The following ZFHX3 variants were observed in gnomAD, a reference collection of about 807,000 sequenced individuals.
ZFHX3 encodes the protein zinc finger homeobox 3.
In ZFHX3, 42 loss-of-function variants were observed where a neutral mutation model predicts 279.1. The ratio of observed to expected loss-of-function variants is 0.15; its 90% CI spans 0.12 to 0.19. The LOEUF is 0.19. Ranked by LOEUF, ZFHX3 falls within the 10% of genes least tolerant of loss-of-function variation. The pLI is 1.00. For synonymous variants in ZFHX3, 2,293 were observed against 1,957.8 expected (o/e 1.17, Z -4.52); for missense variants, 4,981 against 4,754.0 (o/e 1.05, Z -1.40).
At chr16:73,240,844 G>A (rs1567427508) in intron 5 of ZFHX3, among the ~76,000 whole-genome samples, 1 of 152,172 alleles carries the variant, frequency 6.6e-6, no homozygotes, top group Non-Finnish European at 1.5e-5. Flanking sequence ...GTAGAGTTTT[G>A]CTTATTTCCA....
chr16:72,907,841 G>T (rs916695727), intron 3 of ZFHX3, among the ~76,000 whole-genome samples: 1 of 151,776 alleles, frequency 6.6e-6, no homozygotes, highest in Admixed American at 6.6e-5. Context: ...GTGCTACCAT[G>T]CCCAGCTAAT....
intron 2 of ZFHX3, among the ~76,000 whole-genome samples, chr16:73,458,609 C>T (rs772567263): frequency 2.0e-4 from 31 of 152,188 alleles, no homozygotes; most frequent in Non-Finnish European, 4.0e-4. Flanking sequence ...CCACTCACCT[C>T]GGCTTACACC....
At chr16:73,878,132 T>A (rs1046427394) in intron 1 of ZFHX3, among the ~76,000 whole-genome samples, 25 of 152,154 alleles carry the variant, frequency 1.6e-4, no homozygotes, top group African/African-American at 5.8e-4. Context: ...ATAAAATACA[T>A]ATTGGCACCT....
chr16:73,061,283 G>C (rs529089152), upstream of ZFHX3: 3 of 151,946 alleles, frequency 2.0e-5, no homozygotes, highest in Non-Finnish European at 4.4e-5. Context: ...TCTTTTGTGA[G>C]GTTAATGCCA....
At chr16:73,187,598 C>T (rs944723046) in intron 5 of ZFHX3, among the ~76,000 whole-genome samples, 1 of 152,184 alleles carries the variant, frequency 6.6e-6, no homozygotes, top group African/African-American at 2.4e-5. Context: ...AAACTTCAGG[C>T]TTTTCAAAGT....
chr16:73,339,899 C>T (rs577239597), intron 3 of ZFHX3, among the ~76,000 whole-genome samples: 92 of 152,240 alleles, frequency 6.0e-4, no homozygotes, highest in Non-Finnish European at 1.2e-4. Context: ...ACGATAATGG[C>T]ATTTATATGA....
At chr16:73,460,358 C>G (rs117924027) in intron 2 of ZFHX3, among the ~76,000 whole-genome samples, 2 of 152,104 alleles carry the variant, frequency 1.3e-5, no homozygotes, top group African/African-American at 4.8e-5. Context: ...GTTTGCTTAA[C>G]CATCTACCTA....
At chr16:73,218,074 C>T (rs568025596) in intron 5 of ZFHX3, among the ~76,000 whole-genome samples, 1 of 152,224 alleles carries the variant, frequency 6.6e-6, no homozygotes, top group African/African-American at 2.4e-5. Context: ...CCAAACCTAA[C>T]GGGCCTTCAG....
intron 7 of ZFHX3, chr16:73,094,565 T>C (rs1966133672): frequency 6.6e-6 from 1 of 151,810 alleles, no homozygotes. Context: ...TGGTACCTTA[T>C]GCTACTTCGG....
intron 4 of ZFHX3, among the ~76,000 whole-genome samples, chr16:73,280,650 G>A (rs1047508387): frequency 6.6e-6 from 1 of 152,042 alleles, no homozygotes; most frequent in Non-Finnish European, 1.5e-5. Context: ...TATATTACTG[G>A]TGGGACTGTA....
At chr16:73,833,266 G>A (rs1259596102) in intron 1 of ZFHX3, among the ~76,000 whole-genome samples, 3 of 152,120 alleles carry the variant, frequency 2.0e-5, no homozygotes, top group East Asian at 1.9e-4. Context: ...GGGAGGCTGA[G>A]GCAAGAGGAT....
intron 8 of ZFHX3, among the ~76,000 whole-genome samples, chr16:73,082,302 A>C (rs947164920): frequency 6.6e-6 from 1 of 151,360 alleles, no homozygotes; most frequent in Admixed American, 6.6e-5. Flanking sequence ...GAGTCTCTCT[A>C]TGTTGCCCAG....
chr16:73,277,934 A>C (rs1248546914), intron 4 of ZFHX3, among the ~76,000 whole-genome samples: 1 of 152,104 alleles, frequency 6.6e-6, no homozygotes, highest in Non-Finnish European at 1.5e-5. Flanking sequence ...CATACCTTTA[A>C]ACAACAGGAT....
intron 2 of ZFHX3, among the ~76,000 whole-genome samples, chr16:73,642,800 G>T (rs891251006): frequency 6.6e-6 from 1 of 152,166 alleles, no homozygotes; most frequent in South Asian, 2.1e-4. Context: ...TGCCTCTAAA[G>T]GTTATTCAAG....
intron 1 of ZFHX3, among the ~76,000 whole-genome samples, chr16:73,046,884 T>C (rs913217993): frequency 1.6e-5 from 2 of 127,516 alleles, no homozygotes; most frequent in African/African-American, 5.9e-5. Context: ...CAAGGACTGT[T>C]AAATGACACA....
intron 1 of ZFHX3, among the ~76,000 whole-genome samples, chr16:73,807,991 C>T (rs928730364): frequency 1.3e-5 from 2 of 152,068 alleles, no homozygotes; most frequent in African/African-American, 2.4e-5. Context: ...CGCATACCTA[C>T]AAATGGAAGA....
chr16:73,586,748 A>C lies in ZFHX3; in HGVS notation c.-1547+93432T>G, dbSNP rs561690204. Reference sequence around the variant, plus strand: ...CAGAAGATCAACAAATATATGGAGGATCTGAAAAACACAAAACTAAAATTG... The same window carrying C: ...CAGAAGATCAACAAATATATGGAGGCTCTGAAAAACACAAAACTAAAATTG... On this transcript the variant is annotated intron_variant, in intron 2 of 17. Coordinates refer to the ZFHX3 transcript ENST00000641206. Among the ~76,000 whole-genome samples, 4 of 152,304 alleles carry C rather than the reference A, an allele frequency of 2.6e-5. No homozygotes were observed. The South Asian group carries it at 8.3e-4, about 32-fold the overall frequency.
intron 7 of ZFHX3, among the ~76,000 whole-genome samples, chr16:73,129,971 A>G (rs536451063): frequency 1.3e-5 from 2 of 152,206 alleles, no homozygotes; most frequent in South Asian, 4.1e-4. Flanking sequence ...ACCCGAGAGC[A>G]TTGCCAGTGA....
At chr16:73,750,546 C>G (rs1057348443) in intron 1 of ZFHX3, among the ~76,000 whole-genome samples, 7 of 152,158 alleles carry the variant, frequency 4.6e-5, no homozygotes, top group African/African-American at 1.7e-4. Context: ...TGCAGATGAT[C>G]TATCTGGGGA....
Sources: allele counts gnomAD v4.1 joint callset (sites outside exome capture counted in the v4.1 genomes callset), GRCh38; gene constraint gnomAD v4.1.1; transcripts MANE v1.5; gene names NCBI Gene and HGNC (gene_info 2026-07-23, HGNC 2026-07-21).